The following RNLS variants were observed in gnomAD, a reference collection of about 807,000 sequenced individuals.
RNLS encodes renalase, FAD dependent amine oxidase.
Under a neutral mutation model 39.8 loss-of-function variants are expected in RNLS, and 39 were observed. That is an observed-to-expected ratio of 0.98 (90% confidence interval 0.76 to 1.28). The LOEUF (loss-of-function observed/expected upper bound fraction) is 1.28. Ranked by LOEUF, RNLS falls within the 50% of genes most tolerant of loss-of-function variation. The pLI, the probability that RNLS is intolerant of heterozygous loss-of-function variation, is 0.00. For synonymous variants in RNLS, 147 were observed against 150.7 expected (o/e 0.98, Z 0.18); for missense variants, 410 against 413.3 (o/e 0.99, Z 0.07).
the RNLS span, among the ~76,000 whole-genome samples, chr10:88,258,848 G>A: frequency 6.6e-6 from 1 of 152,134 alleles, no homozygotes; most frequent in African/African-American, 2.4e-5. Context: ...GAAAAGACAG[G>A]GTCATTCCTT....
At chr10:88,375,187 C>T (rs1713272589) in intron 4 of RNLS, among the ~76,000 whole-genome samples, 1 of 152,020 alleles carries the variant, frequency 6.6e-6, no homozygotes, top group Non-Finnish European at 1.5e-5. Flanking sequence ...ACTTCTACCA[C>T]AACAACAGAA....
chr10:88,481,841 G>A (rs1431795434), intron 4 of RNLS, among the ~76,000 whole-genome samples: 2 of 151,986 alleles, frequency 1.3e-5, no homozygotes, highest in African/African-American at 4.8e-5. Context: ...CTTTTAGCCT[G>A]AAAGACTTCC....
intron 5 of RNLS, among the ~76,000 whole-genome samples, chr10:88,335,197 T>C (rs1232769974): frequency 6.6e-6 from 1 of 151,934 alleles, no homozygotes; most frequent in Admixed American, 6.6e-5. Flanking sequence ...ACTTTTTGAT[T>C]TGAGCTTTCT....
intron 6 of RNLS, among the ~76,000 whole-genome samples, chr10:88,305,015 C>T (rs1844817897): frequency 6.6e-6 from 1 of 152,126 alleles, no homozygotes; most frequent in Admixed American, 6.5e-5. Flanking sequence ...CTCTACAAGC[C>T]AGAAAAGATT....
rs553020750 is a variant in RNLS, at chr10:88,444,636, G to A, written c.527-81911C>T. ...TAGAGAAGTCCTTAAATGACCTGATGGAGCTGAAAACCATGGCACGAGAAC... is the reference window on the plus strand; with the variant it reads ...TAGAGAAGTCCTTAAATGACCTGATAGAGCTGAAAACCATGGCACGAGAAC... On this transcript the variant is annotated intron_variant, in intron 4 of 6. Transcript: ENST00000331772. Among the ~76,000 whole-genome samples the A allele has an allele frequency of 3.2e-4, 49 of 152,266 alleles. No individual in the cohort carries two copies. The South Asian group carries it at 9.8e-3, about 30-fold the overall frequency.
At chr10:88,247,275 T>C in the RNLS span, among the ~76,000 whole-genome samples, 3 of 152,116 alleles carry the variant, frequency 2.0e-5, no homozygotes, top group Non-Finnish European at 4.4e-5. Flanking sequence ...CTGGCCTCAT[T>C]TGTAGAATCA....
At chr10:88,172,842 G>GTTGTTTT in the RNLS span, among the ~76,000 whole-genome samples, 2 of 43,776 alleles carry the variant, frequency 4.6e-5, no homozygotes, top group African/African-American at 1.2e-4. Context: ...ATTTTGAGTT[G>GTTGTTTT]TTTTTTTTTT....
the RNLS span, among the ~76,000 whole-genome samples, chr10:88,242,962 C>G: frequency 1.3e-5 from 2 of 151,838 alleles, no homozygotes; most frequent in South Asian, 2.1e-4. Context: ...AACAAACAAA[C>G]AAACAAACAA....
chr10:88,240,186 A>G, the RNLS span, among the ~76,000 whole-genome samples: 2 of 152,136 alleles, frequency 1.3e-5, no homozygotes, highest in African/African-American at 2.4e-5. Flanking sequence ...CAAGGTAACC[A>G]TGTTTTTTCT....
At chr10:88,568,767 A>G (rs1849660845) in intron 4 of RNLS, among the ~76,000 whole-genome samples, 1 of 152,342 alleles carries the variant, frequency 6.6e-6, no homozygotes, top group East Asian at 1.9e-4. Context: ...CTGGCTGCAC[A>G]GTAGCATTAC....
intron 4 of RNLS, among the ~76,000 whole-genome samples, chr10:88,371,107 G>A (rs180770343): frequency 1.7e-3 from 261 of 152,110 alleles, no homozygotes; most frequent in Middle Eastern, 3.4e-3. Flanking sequence ...GACATTGGAC[G>A]AGCTACTTAA....
chr10:88,196,254 T>C, the RNLS span, among the ~76,000 whole-genome samples: 1 of 152,242 alleles, frequency 6.6e-6, no homozygotes, highest in Non-Finnish European at 1.5e-5. Context: ...TCTTTAATTG[T>C]CTTCTTTGTT....
the RNLS span, among the ~76,000 whole-genome samples, chr10:88,261,205 C>G: frequency 2.0e-5 from 3 of 152,210 alleles, no homozygotes; most frequent in Non-Finnish European, 2.9e-5. Flanking sequence ...TAATATCAAA[C>G]TTTAACATCA....
At chr10:88,572,756 T>G (rs1849915784) in intron 4 of RNLS, 147 bp downstream of exon 4, 1 of 788,934 alleles carries the variant, frequency 1.3e-6, no homozygotes, top group Admixed American at 3.0e-5. Context: ...ATTAATATCA[T>G]GACGACGGCC....
intron 4 of RNLS, among the ~76,000 whole-genome samples, chr10:88,494,993 G>C (rs1845086340): frequency 6.6e-6 from 1 of 152,084 alleles, no homozygotes; most frequent in Admixed American, 6.6e-5. Context: ...ATTTTTACAG[G>C]TTTGACACTT....
chr10:88,577,470 G>C (rs765491608), intron 3 of RNLS, among the ~76,000 whole-genome samples: 23 of 152,082 alleles, frequency 1.5e-4, no homozygotes, highest in Admixed American at 6.6e-5. Flanking sequence ...CTCATTCTTC[G>C]CATTAACAAA....
At chr10:88,261,989 A>T in the RNLS span, among the ~76,000 whole-genome samples, 1 of 152,180 alleles carries the variant, frequency 6.6e-6, no homozygotes, top group East Asian at 1.9e-4. Context: ...TTGACAAATG[A>T]GTAGGAGTTC....
the RNLS span, among the ~76,000 whole-genome samples, chr10:88,194,546 T>C: frequency 1.3e-5 from 2 of 152,206 alleles, no homozygotes; most frequent in Non-Finnish European, 2.9e-5. Flanking sequence ...TCATGCTTTG[T>C]CATTCACTGG....
At chr10:88,451,167 GA>G (rs894477226) in intron 4 of RNLS, among the ~76,000 whole-genome samples, 11 of 152,264 alleles carry the variant, frequency 7.2e-5, no homozygotes, top group Admixed American at 5.9e-4. Flanking sequence ...TGGCATTTGG[GA>G]AAGGATTCAT....
Sources: gnomAD v4.1 joint callset for allele counts (sites outside exome capture counted in the v4.1 genomes callset) on GRCh38, gnomAD v4.1.1 for gene constraint, MANE v1.5 for transcripts, NCBI Gene and HGNC (gene_info 2026-07-23, HGNC 2026-07-21) for gene names.